Variants in ZNF492 observed in about 807,000 individuals in gnomAD.
ZNF492 encodes the protein zinc finger protein 492, also known as zinc finger protein 115 (Y20).
A neutral mutation model predicts 6.4 loss-of-function variants in ZNF492; 3 were observed. The observed-to-expected ratio is 0.47, with a 90% CI of 0.21 to 1.22. The LOEUF is 1.22. ZNF492 is among the 50% of genes most tolerant of loss of function. ZNF492 has a pLI of 0.22. For missense variants in ZNF492, 356 were observed against 612.5 expected, an observed-to-expected ratio of 0.58 and a Z score of 4.42; for synonymous variants, 112 against 205.3, an observed-to-expected ratio of 0.55 and a Z score of 3.89.
chr19:22,653,463 A>G, intron 2 of ZNF492, 30 bp downstream of exon 2: 1 of 1,596,650 alleles, frequency 6.3e-7, no homozygotes, highest in East Asian at 2.2e-5. Context: ...ACAATTCCCT[A>G]ATATACCCTA....
intron 1 of ZNF492, among the ~76,000 whole-genome samples, chr19:22,651,074 G>A (rs1421120242): frequency 6.6e-6 from 1 of 152,138 alleles, no homozygotes; most frequent in Non-Finnish European, 1.5e-5. Flanking sequence ...TCTATGGGTT[G>A]CACAATTCCA....
intron 3 of ZNF492, among the ~76,000 whole-genome samples, chr19:22,656,413 A>T (rs1273123155): frequency 6.6e-6 from 1 of 151,968 alleles, no homozygotes; most frequent in East Asian, 1.9e-4. Flanking sequence ...GCTTTATATT[A>T]GGATGTAGAT....
intron 1 of ZNF492, among the ~76,000 whole-genome samples, chr19:22,645,059 T>C (rs1380389222): frequency 2.0e-5 from 3 of 152,056 alleles, no homozygotes; most frequent in Non-Finnish European, 4.4e-5. Context: ...CCCACTTTTT[T>C]TTTTTGAGAT....
intron 1 of ZNF492, among the ~76,000 whole-genome samples, chr19:22,644,681 G>A (rs60599152): frequency 0.082 from 12,468 of 152,124 alleles, 1,656 homozygotes; most frequent in African/African-American, 0.28. Context: ...TAGTGCTGCA[G>A]TAAACATACG....
At chr19:22,660,508 A>G (rs1352384774) in intron 3 of ZNF492, among the ~76,000 whole-genome samples, 1 of 151,008 alleles carries the variant, frequency 6.6e-6, no homozygotes, top group East Asian at 1.9e-4. Flanking sequence ...ATCTCAGTTG[A>G]ATAAAAAAAT....
intron 1 of ZNF492, among the ~76,000 whole-genome samples, chr19:22,647,679 C>T (rs1971895995): frequency 6.7e-6 from 1 of 149,072 alleles, no homozygotes; most frequent in South Asian, 2.1e-4. Flanking sequence ...TTGTCCTCTG[C>T]TAGCTTTTGG....
chr19:22,647,720 T>C (rs1971896510), intron 1 of ZNF492, among the ~76,000 whole-genome samples: 1 of 144,178 alleles, frequency 6.9e-6, no homozygotes, highest in Non-Finnish European at 1.5e-5. Flanking sequence ...GCTTTCTAGC[T>C]CTTTTAGTTT....
intron 1 of ZNF492, among the ~76,000 whole-genome samples, chr19:22,647,261 T>TG (rs1368607879): frequency 7.2e-6 from 1 of 137,994 alleles, no homozygotes; most frequent in Non-Finnish European, 1.6e-5. Context: ...TTTGTTGTTG[T>TG]TTTTTTTTTT....
At chr19:22,654,056 G>A (rs35225656) in intron 3 of ZNF492, 41 bp downstream of exon 3, 140,915 of 1,455,620 alleles carry the variant, frequency 0.097, 5,925 homozygotes, top group Middle Eastern at 0.16. Flanking sequence ...TGACACAGAT[G>A]AGAGCTCCAA....
At chr19:22,647,136 C>G (rs1305126768) in intron 1 of ZNF492, among the ~76,000 whole-genome samples, 1 of 152,078 alleles carries the variant, frequency 6.6e-6, no homozygotes, top group African/African-American at 2.4e-5. Context: ...GGTGATCTGC[C>G]TGCCTCGGCC....
chr19:22,640,847 G>A (rs1356297345), intron 1 of ZNF492, among the ~76,000 whole-genome samples: 2 of 152,070 alleles, frequency 1.3e-5, no homozygotes, highest in Non-Finnish European at 2.9e-5. Flanking sequence ...TCAGTCTTGA[G>A]AGGATATATT....
chr19:22,661,586 T>A (rs1972059137), intron 3 of ZNF492, among the ~76,000 whole-genome samples: 1 of 150,604 alleles, frequency 6.6e-6, no homozygotes, highest in South Asian at 2.1e-4. Flanking sequence ...TCAGAGGAGT[T>A]TATTTGTGTT....
chr19:22,663,856 T>C lies in ZNF492; in HGVS notation c.187T>C (p.Phe63Leu), dbSNP rs756110463. The change falls in exon 4 of 4, where the codon TTC becomes CTC. Residue 63 changes from phenylalanine to leucine, a missense_variant. Coordinates refer to ENST00000456783, the MANE Select transcript of ZNF492 (RefSeq NM_020855.3). ...GCCAAAGCAGGGCAAAAAAAATTAT[T>C]TCCAAAAAGTGATACTGAGAAGATA... ...LWPKQGKKNY[F>L]QKVILRRYKK... 4.7e-5 allele frequency: 74 copies of C among 1,562,038 alleles called. No homozygotes were observed. The highest frequency in any genetic ancestry group is 6.2e-5 in the Non-Finnish European group (72 of 1,158,628).
chr19:22,641,939 G>A (rs537104941), intron 1 of ZNF492, among the ~76,000 whole-genome samples: 2 of 151,842 alleles, frequency 1.3e-5, no homozygotes, highest in Admixed American at 6.6e-5. Context: ...GACTACAGGC[G>A]CCTGCCACCA....
chr19:22,653,624 T>C (rs1971964747), intron 2 of ZNF492, among the ~76,000 whole-genome samples, 191 bp downstream of exon 2: 1 of 152,020 alleles, frequency 6.6e-6, no homozygotes, highest in African/African-American at 2.4e-5. Flanking sequence ...CCTGAGCTGA[T>C]CTGTGTTCTT....
chr19:22,637,325 CTG>C (rs1330450565), intron 1 of ZNF492, among the ~76,000 whole-genome samples: 6 of 151,920 alleles, frequency 3.9e-5, no homozygotes, highest in Non-Finnish European at 8.8e-5. Flanking sequence ...GGGTCTCACT[CTG>C]TTGTCCAGAC....
At chr19:22,645,528 G>C (rs1173050724) in intron 1 of ZNF492, among the ~76,000 whole-genome samples, 1 of 152,114 alleles carries the variant, frequency 6.6e-6, no homozygotes, top group Non-Finnish European at 1.5e-5. Flanking sequence ...AGTTTAATTA[G>C]CTCTTATTTG....
At chr19:22,647,762 C>T (rs1422844938) in intron 1 of ZNF492, among the ~76,000 whole-genome samples, 11 of 114,988 alleles carry the variant, frequency 9.6e-5, no homozygotes, top group Admixed American at 9.4e-5. Flanking sequence ...TGGAGACTCA[C>T]TCTGTCACCC....
chr19:22,646,484 T>G (rs1001037510), intron 1 of ZNF492, among the ~76,000 whole-genome samples: 1 of 152,226 alleles, frequency 6.6e-6, no homozygotes, highest in Non-Finnish European at 1.5e-5. Flanking sequence ...TGACTTCCTC[T>G]TACTCTATTT....
Sources: gnomAD v4.1 joint callset for allele counts (sites outside exome capture counted in the v4.1 genomes callset) on GRCh38, gnomAD v4.1.1 for gene constraint, MANE v1.5 for transcripts, NCBI Gene and HGNC (gene_info 2026-07-23, HGNC 2026-07-21) for gene names.